POFUT3: variants seen among roughly 807,000 people sequenced by gnomAD.
The protein encoded by POFUT3 is GDP-fucose protein O-fucosyltransferase 3.
At chr8:33,452,227 C>A in the POFUT3 span, 1 of 152,026 alleles carries the variant, frequency 6.6e-6, no homozygotes, top group Non-Finnish European at 1.5e-5. Flanking sequence ...AGATTTCTAA[C>A]AATAACATAA....
the POFUT3 span, among the ~76,000 whole-genome samples, chr8:33,374,878 CTT>C: frequency 6.4e-5 from 9 of 141,522 alleles, no homozygotes; most frequent in Admixed American, 7.1e-5. Flanking sequence ...CTTTTCTTTT[CTT>C]TTTTTTTTTT....
At chr8:33,426,609 GATTCAATCCGAT>G in the POFUT3 span, among the ~76,000 whole-genome samples, 1 of 152,180 alleles carries the variant, frequency 6.6e-6, no homozygotes. Flanking sequence ...TAAAACAACA[GATTCAATCCGAT>G]CTAAGGCAAA....
chr8:33,312,037 A>G, the POFUT3 span, among the ~76,000 whole-genome samples: 1 of 152,108 alleles, frequency 6.6e-6, no homozygotes, highest in Admixed American at 6.6e-5. Flanking sequence ...CAAAGCGGGC[A>G]GATCACTTGA....
chr8:33,461,773 T>C, the POFUT3 span: 7 of 709,780 alleles, frequency 9.9e-6, no homozygotes, highest in Non-Finnish European at 1.4e-5. Flanking sequence ...TTAATAAATA[T>C]AGTCTTGCAG....
the POFUT3 span, among the ~76,000 whole-genome samples, chr8:33,444,392 T>C: frequency 3.3e-5 from 5 of 151,908 alleles, no homozygotes; most frequent in Non-Finnish European, 7.4e-5. Flanking sequence ...AGGAGGACGG[T>C]AAGGGATAAG....
chr8:33,384,985 C>T, the POFUT3 span, among the ~76,000 whole-genome samples: 5 of 152,082 alleles, frequency 3.3e-5, no homozygotes, highest in African/African-American at 4.8e-5. Flanking sequence ...ACCAGGTACT[C>T]CATCACTCAG....
At chr8:33,431,073 G>A in the POFUT3 span, among the ~76,000 whole-genome samples, 1 of 152,148 alleles carries the variant, frequency 6.6e-6, no homozygotes, top group Non-Finnish European at 1.5e-5. Context: ...CCTGGGTAGA[G>A]ACGGTAGAGA....
At chr8:33,341,597 G>T in the POFUT3 span, among the ~76,000 whole-genome samples, 1 of 151,834 alleles carries the variant, frequency 6.6e-6, no homozygotes, top group Non-Finnish European at 1.5e-5. Context: ...GGAATTTATA[G>T]CACTAAATGT....
At chr8:33,392,997 A>G in the POFUT3 span, among the ~76,000 whole-genome samples, 1 of 152,090 alleles carries the variant, frequency 6.6e-6, no homozygotes, top group Non-Finnish European at 1.5e-5. Flanking sequence ...AAAACAAAAC[A>G]AAACAAAAAA....
the POFUT3 span, among the ~76,000 whole-genome samples, chr8:33,327,650 G>T: frequency 2.0e-5 from 3 of 152,210 alleles, no homozygotes; most frequent in Admixed American, 2.0e-4. Flanking sequence ...ACTTAATGGT[G>T]CAGCAGAAGC....
the POFUT3 span, among the ~76,000 whole-genome samples, chr8:33,348,013 A>T: frequency 1.3e-5 from 2 of 152,124 alleles, no homozygotes; most frequent in African/African-American, 4.8e-5. Context: ...CTTGGTCTCT[A>T]CTAAAAATGC....
chr8:33,365,508 C>G, the POFUT3 span, among the ~76,000 whole-genome samples: 1 of 152,144 alleles, frequency 6.6e-6, no homozygotes, highest in East Asian at 1.9e-4. Flanking sequence ...GCAATCTACC[C>G]TTCTGACAAA....
the POFUT3 span, among the ~76,000 whole-genome samples, chr8:33,446,333 T>C: frequency 2.0e-5 from 3 of 151,924 alleles, no homozygotes; most frequent in African/African-American, 7.3e-5. Flanking sequence ...GGCGCACACC[T>C]GTAGTCCCAG....
chr8:33,383,515 G>A, the POFUT3 span, among the ~76,000 whole-genome samples: 5 of 152,138 alleles, frequency 3.3e-5, no homozygotes, highest in African/African-American at 1.2e-4. Context: ...AACTGGGTAA[G>A]TGGCCAGGCA....
chr8:33,434,769 C>A, the POFUT3 span, among the ~76,000 whole-genome samples: 10 of 152,062 alleles, frequency 6.6e-5, no homozygotes, highest in Non-Finnish European at 7.4e-5. Context: ...CTGATGTGCA[C>A]CTCCACCCCT....
At chr8:33,416,830 C>CAAAAAAAAAAAAAAAAAAAAAAA in the POFUT3 span, among the ~76,000 whole-genome samples, 3 of 44,548 alleles carry the variant, frequency 6.7e-5, no homozygotes, top group Admixed American at 2.8e-4. Context: ...TGGGCGACGA[C>CAAAAAAAAAAAAAAAAAAAAAAA]AAAAAAAAAA....
At chr8:33,397,013 G>A in the POFUT3 span, among the ~76,000 whole-genome samples, 10 of 152,196 alleles carry the variant, frequency 6.6e-5, no homozygotes, top group African/African-American at 2.4e-4. Flanking sequence ...TGTAGGAATA[G>A]CAATAGTTCA....
chr8:33,361,431 C>T, the POFUT3 span: 4 of 152,228 alleles, frequency 2.6e-5, no homozygotes, highest in Admixed American at 6.5e-5. Context: ...ATTTAATATA[C>T]TCTATAAATA....
At chr8:33,405,014 CA>C in the POFUT3 span, among the ~76,000 whole-genome samples, 1 of 152,088 alleles carries the variant, frequency 6.6e-6, no homozygotes, top group African/African-American at 2.4e-5. Context: ...AAGAACTTTC[CA>C]AATTGCTCAA....
Sources: gnomAD v4.1 joint callset for allele counts (sites outside exome capture counted in the v4.1 genomes callset) on GRCh38, gnomAD v4.1.1 for gene constraint, MANE v1.5 for transcripts, NCBI Gene and HGNC (gene_info 2026-07-23, HGNC 2026-07-21) for gene names.